ZDHHC20: variants seen among roughly 807,000 people sequenced by gnomAD.
The protein encoded by ZDHHC20 is palmitoyltransferase ZDHHC20.
A neutral mutation model predicts 57.8 loss-of-function variants in ZDHHC20; 43 were observed. The ratio of observed to expected loss-of-function variants is 0.74; its 90% confidence interval spans 0.58 to 0.96. The LOEUF is 0.96. Ranked by LOEUF, ZDHHC20 falls within the 40% of genes least tolerant of loss-of-function variation. The pLI, the probability that ZDHHC20 is intolerant of heterozygous loss-of-function variation, is 0.00. For missense variants in ZDHHC20, 391 were observed against 441.1 expected (o/e 0.89, Z 1.02); for synonymous variants, 157 against 153.0 (o/e 1.03, Z -0.19).
At chr13:21,389,647 G>GGTATGTGA (rs1415749743) in intron 8 of ZDHHC20, among the ~76,000 whole-genome samples, 7 of 152,094 alleles carry the variant, frequency 4.6e-5, no homozygotes, top group Admixed American at 4.6e-4. Context: ...ATACCTACGG[G>GGTATGTGA]GGCTGGGCAG....
intron 4 of ZDHHC20, among the ~76,000 whole-genome samples, chr13:21,410,956 C>T (rs1049404865): frequency 2.6e-5 from 4 of 152,218 alleles, no homozygotes; most frequent in Admixed American, 6.5e-5. Flanking sequence ...AATGGCCACC[C>T]ACTTTTGTGC....
chr13:21,386,806 C>T (rs978161574), intron 9 of ZDHHC20, among the ~76,000 whole-genome samples: 2 of 152,158 alleles, frequency 1.3e-5, no homozygotes, highest in East Asian at 1.9e-4. Flanking sequence ...GCCTCGGCCT[C>T]CCAAAGTGCT....
chr13:21,420,229 G>A (rs534681503), intron 3 of ZDHHC20, among the ~76,000 whole-genome samples: 2 of 152,222 alleles, frequency 1.3e-5, no homozygotes, highest in African/African-American at 4.8e-5. Flanking sequence ...GGAGGTTGTA[G>A]TGAGCCAAGA....
At chr13:21,380,565 G>A (rs1337442320) in intron 11 of ZDHHC20, among the ~76,000 whole-genome samples, 5 of 151,648 alleles carry the variant, frequency 3.3e-5, no homozygotes, top group African/African-American at 4.8e-5. Context: ...GGGCTGAGGC[G>A]GGTGGATCAC....
chr13:21,449,022 T>A (rs1170043107), intron 1 of ZDHHC20, among the ~76,000 whole-genome samples: 1 of 120,306 alleles, frequency 8.3e-6, no homozygotes, highest in African/African-American at 3.0e-5. Context: ...GAAGGCAGCA[T>A]GCTTGTTAAG....
intron 9 of ZDHHC20, among the ~76,000 whole-genome samples, chr13:21,386,653 A>T (rs1874554569): frequency 6.6e-6 from 1 of 152,162 alleles, no homozygotes; most frequent in South Asian, 2.1e-4. Context: ...GGTTCAAGCG[A>T]TTCTTGTGCC....
At chr13:21,444,169 A>T (rs554270314) in intron 1 of ZDHHC20, among the ~76,000 whole-genome samples, 9 of 152,324 alleles carry the variant, frequency 5.9e-5, no homozygotes, top group South Asian at 4.2e-4. Context: ...AAAATTAGTA[A>T]ATAAATGAGT....
intron 9 of ZDHHC20, among the ~76,000 whole-genome samples, chr13:21,383,803 G>A (rs1873923438): frequency 6.6e-6 from 1 of 152,034 alleles, no homozygotes; most frequent in Non-Finnish European, 1.5e-5. Context: ...AGGAAATAGT[G>A]AACAAAAGAG....
In ZDHHC20 at chr13:21,374,290, T is replaced by C. The variant is rs1871668159; in HGVS notation, c.*2406A>G. The C allele has an allele frequency of 2.6e-6, 1 of 386,750 alleles. No individual in the cohort carries two copies. Among genetic ancestry groups the C allele is most frequent in the Non-Finnish European group, 5.4e-6 (1 of 185,822 alleles). 24.0% of individuals were successfully genotyped at this position (386,750 alleles called of 1,614,324 possible). A position where few individuals can be genotyped will look rare whatever the true frequency, so the allele number is the denominator to read the frequency against. ...CCCAGGCTGGAGTGCAGTGGCACGA[T>C]CTCGGCTCACTGCGACCTCCACCTC... On this transcript the variant is annotated 3_prime_UTR_variant, in exon 13 of 13. Transcript: ENST00000400590.
intron 8 of ZDHHC20, among the ~76,000 whole-genome samples, chr13:21,391,297 T>C (rs1875673298): frequency 6.6e-6 from 1 of 152,176 alleles, no homozygotes; most frequent in Non-Finnish European, 1.5e-5. Flanking sequence ...AACGACACTG[T>C]ATGAATGCAG....
rs970233656 is a variant in ZDHHC20, at chr13:21,402,394, A to G, written c.440+403T>C. ...ATACTTATATGAAGGTAGACCACAG[A>G]TCATCTAAAAAAAATAACAAAATGA... On this transcript the variant is annotated intron_variant, in intron 5 of 12. Transcript: ENST00000400590. 4.6e-5 allele frequency among the ~76,000 whole-genome samples: 7 copies of G among 152,302 alleles called. No homozygotes were observed. The South Asian group carries it at 1.4e-3, about 32-fold the overall frequency.
chr13:21,426,799 T>G (rs1881312835), intron 1 of ZDHHC20, among the ~76,000 whole-genome samples: 1 of 151,758 alleles, frequency 6.6e-6, no homozygotes, highest in Non-Finnish European at 1.5e-5. Flanking sequence ...TAGAGATGGG[T>G]TTTCACCATG....
At position 21,458,925 on chromosome 13, in the gene ZDHHC20, C is replaced by A. The variant is rs940175639; in HGVS notation, c.118+129G>T. ...GTGCAGCAACCTCGGCGCTTCCGAGCGCGTTCGGGGCCGGACGCCCGGCGT... is the reference window on the plus strand; with the variant it reads ...GTGCAGCAACCTCGGCGCTTCCGAGAGCGTTCGGGGCCGGACGCCCGGCGT... On this transcript the variant is annotated intron_variant, in intron 1 of 12. Coordinates refer to ENST00000400590, the MANE Select transcript of ZDHHC20 (RefSeq NM_001330059.2). The A allele has an allele frequency of 8.0e-6, 5 of 625,652 alleles. No individual in the cohort carries two copies. In the Admixed American group the frequency reaches 1.3e-4, roughly 16 times the overall value. 38.8% of individuals were successfully genotyped at this position (625,652 alleles called of 1,614,324 possible).
chr13:21,446,972 C>T (rs547232482), intron 1 of ZDHHC20, among the ~76,000 whole-genome samples: 1 of 152,104 alleles, frequency 6.6e-6, no homozygotes, highest in African/African-American at 2.4e-5. Context: ...AGATATCTTG[C>T]TGAGCAAGAA....
At chr13:21,400,550 A>T (rs1018463009) in intron 6 of ZDHHC20, 57 bp from the exon 7 acceptor site, 2 of 1,505,734 alleles carry the variant, frequency 1.3e-6, no homozygotes, top group African/African-American at 2.8e-5. Flanking sequence ...AATTCACAGA[A>T]ATAGAAAGTA....
chr13:21,459,044 C>T lies in ZDHHC20; in HGVS notation c.118+10G>A, dbSNP rs548639134. The T allele has an allele frequency of 8.2e-6, 13 of 1,581,292 alleles. No individual in the cohort carries two copies. The Admixed American group carries it at 1.0e-4, about 13-fold the overall frequency. ...CGCGCCCCGCCGCAGTCCCCGGGGA[C>T]GGTACTCACACACGCAGAGCTCCAC... On this transcript the variant is annotated intron_variant, in intron 1 of 12. Coordinates refer to ENST00000400590, the MANE Select transcript of ZDHHC20 (RefSeq NM_001330059.2).
chr13:21,435,766 TAACA>T (rs1882480000), intron 1 of ZDHHC20, among the ~76,000 whole-genome samples: 1 of 152,164 alleles, frequency 6.6e-6, no homozygotes, highest in African/African-American at 2.4e-5. Context: ...GTGAAAGTAA[TAACA>T]AACAGATTAT....
intron 1 of ZDHHC20, among the ~76,000 whole-genome samples, chr13:21,451,624 G>A (rs538820192): frequency 3.3e-5 from 5 of 152,090 alleles, no homozygotes; most frequent in Admixed American, 3.3e-4. Context: ...AAGAGTAGGG[G>A]AGAAATACTG....
At chr13:21,447,493 G>T (rs183311602) in intron 1 of ZDHHC20, among the ~76,000 whole-genome samples, 2 of 141,786 alleles carry the variant, frequency 1.4e-5, no homozygotes, top group African/African-American at 2.6e-5. Flanking sequence ...TGTGTTGGCC[G>T]GGCCGGTCTC....
Sources: gnomAD v4.1 joint callset for allele counts (sites outside exome capture counted in the v4.1 genomes callset) on GRCh38, gnomAD v4.1.1 for gene constraint, MANE v1.5 for transcripts, NCBI Gene and HGNC (gene_info 2026-07-23, HGNC 2026-07-21) for gene names.